Variants in ADARB2 observed in about 807,000 individuals in gnomAD.
ADARB2 encodes the protein adenosine deaminase RNA specific B2 (inactive).
ADARB2 carries 25 observed loss-of-function variants against 62.2 expected under a neutral mutation model. That is an observed-to-expected ratio of 0.40 (90% confidence interval 0.29 to 0.56). The LOEUF (loss-of-function observed/expected upper bound fraction) is 0.56. ADARB2 is among the 20% of genes least tolerant of loss of function. The pLI, the probability that ADARB2 is intolerant of heterozygous loss-of-function variation, is 0.43. For missense variants in ADARB2, 1,071 were observed against 1,077.4 expected, an observed-to-expected ratio of 0.99 and a Z score of 0.08; for synonymous variants, 572 against 500.8, an observed-to-expected ratio of 1.14 and a Z score of -1.90.
At chr10:1,494,667 C>T (rs1208985470) in intron 1 of ADARB2, among the ~76,000 whole-genome samples, 1 of 152,098 alleles carries the variant, frequency 6.6e-6, no homozygotes, top group Non-Finnish European at 1.5e-5. Flanking sequence ...ACAACAGTAA[C>T]ATGTCATTTT....
intron 3 of ADARB2, among the ~76,000 whole-genome samples, chr10:1,348,222 G>C (rs1017774744): frequency 6.6e-6 from 1 of 152,294 alleles, no homozygotes; most frequent in African/African-American, 2.4e-5. Context: ...ACATTTCCCT[G>C]TTGTTTCTAA....
At chr10:1,541,230 C>T (rs1832421751) in intron 1 of ADARB2, among the ~76,000 whole-genome samples, 2 of 44,872 alleles carry the variant, frequency 4.5e-5, no homozygotes, top group South Asian at 1.8e-3. Context: ...GACCCTGGAT[C>T]ACAGCCGCCC....
intron 3 of ADARB2, among the ~76,000 whole-genome samples, chr10:1,317,277 C>A (rs1482152337): frequency 6.6e-6 from 1 of 152,176 alleles, no homozygotes; most frequent in Non-Finnish European, 1.5e-5. Context: ...ATCTTCTATA[C>A]CTTGTACCAG....
chr10:1,650,968 T>C (rs1834102868), intron 1 of ADARB2, among the ~76,000 whole-genome samples: 1 of 152,064 alleles, frequency 6.6e-6, no homozygotes, highest in Non-Finnish European at 1.5e-5. Flanking sequence ...AGCAGCTTGG[T>C]CTCCCAAGCC....
intron 1 of ADARB2, among the ~76,000 whole-genome samples, chr10:1,729,768 CT>C (rs1304167974): frequency 2.6e-5 from 4 of 152,166 alleles, no homozygotes; most frequent in Non-Finnish European, 4.4e-5. Flanking sequence ...AGAGATTTGA[CT>C]TGGGTTAGCA....
intron 4 of ADARB2, among the ~76,000 whole-genome samples, chr10:1,257,378 C>T (rs1000971324): frequency 1.3e-5 from 2 of 152,244 alleles, no homozygotes; most frequent in Non-Finnish European, 2.9e-5. Context: ...CACCTGTTGC[C>T]AGGATGGCCC....
intron 1 of ADARB2, among the ~76,000 whole-genome samples, chr10:1,688,277 G>T (rs1415123105): frequency 6.6e-6 from 1 of 152,196 alleles, no homozygotes. Flanking sequence ...TGCACCCTTG[G>T]CCAGGGCTGG....
intron 1 of ADARB2, among the ~76,000 whole-genome samples, chr10:1,407,341 G>A (rs1166239698): frequency 1.3e-5 from 2 of 152,194 alleles, no homozygotes; most frequent in Non-Finnish European, 2.9e-5. Context: ...TCCCGGGTCC[G>A]ACGTCTCCGG....
At chr10:1,513,087 G>C (rs1015853363) in intron 1 of ADARB2, among the ~76,000 whole-genome samples, 1 of 152,176 alleles carries the variant, frequency 6.6e-6, no homozygotes, top group Non-Finnish European at 1.5e-5. Flanking sequence ...CATCCACACT[G>C]AATGGTAACT....
chr10:1,668,044 G>A (rs892686006), intron 1 of ADARB2, among the ~76,000 whole-genome samples: 2 of 152,180 alleles, frequency 1.3e-5, no homozygotes, highest in African/African-American at 4.8e-5. Context: ...CCTGGATGAG[G>A]CGTTAGCAGG....
intron 1 of ADARB2, among the ~76,000 whole-genome samples, chr10:1,493,485 G>A (rs182863945): frequency 1.1e-3 from 171 of 152,188 alleles, no homozygotes; most frequent in African/African-American, 4.0e-3. Flanking sequence ...GTTTCTCTGT[G>A]TGCTACAAAG....
At chr10:1,215,093 G>A (rs747531472) in intron 7 of ADARB2, among the ~76,000 whole-genome samples, 74 of 152,260 alleles carry the variant, frequency 4.9e-4, no homozygotes, top group African/African-American at 1.1e-3. Flanking sequence ...GGGGTCTCCC[G>A]TTTTCTCCTG....
rs182477027 is a variant in ADARB2 at position 1,209,063 on chromosome 10, T to A, written c.1682+7888A>T. ...TCAGATGCAGTGAGGGGCGTGTGGC[T>A]GCCAATACCCCCAGATCCTTCTGAA... On this transcript the variant is annotated intron_variant, in intron 7 of 9. Coordinates refer to ENST00000381312, the MANE Select transcript of ADARB2 (RefSeq NM_018702.4). 2.0e-3 allele frequency among the ~76,000 whole-genome samples: 312 copies of A among 152,246 alleles called. 2 individuals are homozygous for A. Among genetic ancestry groups the A allele is most frequent in the Non-Finnish European group, 2.8e-3 (188 of 68,000 alleles).
At chr10:1,368,080 G>A (rs1040154807) in intron 2 of ADARB2, among the ~76,000 whole-genome samples, 5 of 152,146 alleles carry the variant, frequency 3.3e-5, no homozygotes, top group African/African-American at 9.7e-5. Flanking sequence ...TTTCCCTGAC[G>A]TGGGAGCCCA....
chr10:1,329,406 C>A (rs534751017), intron 3 of ADARB2, among the ~76,000 whole-genome samples: 2 of 152,336 alleles, frequency 1.3e-5, no homozygotes, highest in Non-Finnish European at 2.9e-5. Context: ...AGACCAGAAG[C>A]AGGATGCCCT....
At chr10:1,362,614 G>A (rs1352052470) in intron 3 of ADARB2, among the ~76,000 whole-genome samples, 2 of 152,194 alleles carry the variant, frequency 1.3e-5, no homozygotes, top group African/African-American at 2.4e-5. Flanking sequence ...TCTGGATCCT[G>A]CCGGGCTGGC....
intron 1 of ADARB2, among the ~76,000 whole-genome samples, chr10:1,631,935 G>A (rs1189778010): frequency 6.6e-6 from 1 of 152,164 alleles, no homozygotes; most frequent in Non-Finnish European, 1.5e-5. Flanking sequence ...ACCCAGAGGT[G>A]TGGATAAGCG....
At chr10:1,702,390 G>C (rs1834832463) in intron 1 of ADARB2, among the ~76,000 whole-genome samples, 1 of 152,194 alleles carries the variant, frequency 6.6e-6, no homozygotes, top group South Asian at 2.1e-4. Flanking sequence ...TACAAAGGCT[G>C]AGGAGGGAAG....
chr10:1,418,834 A>C (rs925630697), intron 1 of ADARB2, among the ~76,000 whole-genome samples: 3 of 149,438 alleles, frequency 2.0e-5, no homozygotes, highest in Non-Finnish European at 4.4e-5. Context: ...GAAAAAAAAA[A>C]ATCTATGTCT....
Sources: gnomAD v4.1 joint callset for allele counts (sites outside exome capture counted in the v4.1 genomes callset) on GRCh38, gnomAD v4.1.1 for gene constraint, MANE v1.5 for transcripts, NCBI Gene and HGNC (gene_info 2026-07-23, HGNC 2026-07-21) for gene names.